GPHN: variants seen among roughly 807,000 people sequenced by gnomAD.
GPHN encodes the protein gephyrin.
In GPHN, 17 loss-of-function variants were observed where a neutral mutation model predicts 95.5. The observed-to-expected ratio is 0.18, with a 90% CI of 0.12 to 0.27. GPHN has a LOEUF of 0.27. Among genes scored for constraint, GPHN ranks in the 10% least tolerant of loss-of-function variants. The pLI is 1.00. For synonymous variants in GPHN, 320 were observed against 322.5 expected, an observed-to-expected ratio of 0.99 and a Z score of 0.08; for missense variants, 660 against 978.1, an observed-to-expected ratio of 0.67 and a Z score of 4.34.
the GPHN span, among the ~76,000 whole-genome samples, chr14:67,500,104 C>T: frequency 2.0e-5 from 3 of 152,096 alleles, no homozygotes; most frequent in Non-Finnish European, 2.9e-5. Context: ...TGGGAGGATA[C>T]CTTGAGCTAT....
chr14:66,650,355 CA>C (rs1403627072), intron 1 of GPHN, among the ~76,000 whole-genome samples: 1 of 152,184 alleles, frequency 6.6e-6, no homozygotes, highest in Non-Finnish European at 1.5e-5. Context: ...GCCACTATTT[CA>C]TCAAATGTGT....
chr14:67,227,257 T>C, the GPHN span, among the ~76,000 whole-genome samples: 3 of 152,038 alleles, frequency 2.0e-5, no homozygotes, highest in African/African-American at 7.2e-5. Context: ...CTGGCCAATA[T>C]GGTGAAACCC....
At chr14:66,859,336 A>G (rs2062932994) in intron 4 of GPHN, among the ~76,000 whole-genome samples, 1 of 152,182 alleles carries the variant, frequency 6.6e-6, no homozygotes, top group Admixed American at 6.5e-5. Flanking sequence ...TGTTTGGGAG[A>G]AAATAAGAGA....
intron 2 of GPHN, among the ~76,000 whole-genome samples, chr14:66,699,269 G>A (rs919920287): frequency 6.6e-6 from 1 of 152,028 alleles, no homozygotes; most frequent in African/African-American, 2.4e-5. Flanking sequence ...GTTAATGGGT[G>A]CAGCACACCA....
At chr14:67,180,514 A>G (rs2083269423) in intron 22 of GPHN, among the ~76,000 whole-genome samples, 1 of 152,204 alleles carries the variant, frequency 6.6e-6, no homozygotes, top group South Asian at 2.1e-4. Flanking sequence ...TCAGACACGC[A>G]TAACATTTCA....
intron 1 of GPHN, among the ~76,000 whole-genome samples, chr14:66,531,875 A>G (rs939899097): frequency 6.6e-6 from 1 of 152,208 alleles, no homozygotes; most frequent in Non-Finnish European, 1.5e-5. Flanking sequence ...GTAAAAGACT[A>G]GATAGTGAAT....
At chr14:67,516,036 G>A in the GPHN span, among the ~76,000 whole-genome samples, 7 of 152,192 alleles carry the variant, frequency 4.6e-5, no homozygotes, top group African/African-American at 1.4e-4. Flanking sequence ...TTTATTGGGA[G>A]GTGGAAAATA....
At chr14:67,265,377 T>G in the GPHN span, among the ~76,000 whole-genome samples, 3 of 151,872 alleles carry the variant, frequency 2.0e-5, no homozygotes, top group Non-Finnish European at 4.4e-5. Flanking sequence ...GGCAACATAC[T>G]GAGACTCTGT....
intron 17 of GPHN, among the ~76,000 whole-genome samples, chr14:67,131,383 A>G (rs1389960325): frequency 6.6e-6 from 1 of 152,176 alleles, no homozygotes; most frequent in African/African-American, 2.4e-5. Context: ...CTATATCCAC[A>G]GCACTTAGTA....
At chr14:66,675,198 G>T (rs1430949188) in intron 1 of GPHN, among the ~76,000 whole-genome samples, 2 of 146,494 alleles carry the variant, frequency 1.4e-5, no homozygotes, top group African/African-American at 5.1e-5. Context: ...TGCTGAAGTC[G>T]AATGGCACGA....
chr14:67,554,855 T>TC, the GPHN span, among the ~76,000 whole-genome samples: 1 of 152,168 alleles, frequency 6.6e-6, no homozygotes. Context: ...ATCCAGAATT[T>TC]CCATGCTCCT....
At chr14:67,383,422 A>G in the GPHN span, 3 of 1,613,544 alleles carry the variant, frequency 1.9e-6, no homozygotes, top group East Asian at 6.7e-5. Context: ...AAGAAATGGA[A>G]GCCAAAGCTG....
At chr14:67,649,992 GAAC>G in the GPHN span, 1 of 152,168 alleles carries the variant, frequency 6.6e-6, no homozygotes, top group African/African-American at 2.4e-5. Flanking sequence ...CAGGCCAAAG[GAAC>G]ACTACCGAGA....
At chr14:67,338,843 A>T in the GPHN span, 1 of 1,353,988 alleles carries the variant, frequency 7.4e-7, no homozygotes, top group Non-Finnish European at 1.0e-6. Context: ...TTTTGTAACA[A>T]GGATAATAAA....
At chr14:67,524,762 G>A in the GPHN span, among the ~76,000 whole-genome samples, 1 of 152,188 alleles carries the variant, frequency 6.6e-6, no homozygotes, top group Admixed American at 6.5e-5. Flanking sequence ...TGCTGTTGTG[G>A]TCACAGTGTA....
chr14:66,739,769 T>A (rs9323479), intron 2 of GPHN, among the ~76,000 whole-genome samples: 47,781 of 151,904 alleles, frequency 0.31, 11,491 homozygotes, highest in African/African-American at 0.65. Flanking sequence ...ACTAAGCAGC[T>A]GAATCAACCC....
chr14:66,641,198 A>G (rs1595369067), intron 1 of GPHN, among the ~76,000 whole-genome samples: 1 of 152,176 alleles, frequency 6.6e-6, no homozygotes, highest in East Asian at 1.9e-4. Flanking sequence ...TGGTGCAAAA[A>G]TGATACACAT....
chr14:67,484,774 AG>A, the GPHN span, among the ~76,000 whole-genome samples: 1 of 152,294 alleles, frequency 6.6e-6, no homozygotes, highest in African/African-American at 2.4e-5. Flanking sequence ...AGAAAAAAAA[AG>A]AAAAAGCACT....
chr14:67,225,559 C>T, the GPHN span, among the ~76,000 whole-genome samples: 1 of 152,180 alleles, frequency 6.6e-6, no homozygotes, highest in Non-Finnish European at 1.5e-5. Context: ...TTCTTTGTAA[C>T]CTTATCATGC....
Sources: allele counts gnomAD v4.1 joint callset (sites outside exome capture counted in the v4.1 genomes callset), GRCh38; gene constraint gnomAD v4.1.1; transcripts MANE v1.5; gene names NCBI Gene and HGNC (gene_info 2026-07-23, HGNC 2026-07-21).